The following KCNH7 variants were observed in gnomAD, a reference collection of about 807,000 sequenced individuals.
KCNH7 encodes potassium voltage-gated channel subfamily H member 7, also known as voltage-gated inwardly rectifying potassium channel KCNH7.
A neutral mutation model predicts 120.8 loss-of-function variants in KCNH7; 49 were observed. That is an observed-to-expected ratio of 0.41 (90% confidence interval 0.32 to 0.51). KCNH7 has a LOEUF of 0.51. Among genes scored for constraint, KCNH7 ranks in the 20% least tolerant of loss-of-function variants. The pLI, the probability that KCNH7 is intolerant of heterozygous loss-of-function variation, is 0.38. For missense variants in KCNH7, 1,097 were observed against 1,446.6 expected, an observed-to-expected ratio of 0.76 and a Z score of 3.92; for synonymous variants, 547 against 516.1, an observed-to-expected ratio of 1.06 and a Z score of -0.81.
At chr2:162,594,698 C>T (rs887762818) in intron 2 of KCNH7, among the ~76,000 whole-genome samples, 4 of 150,936 alleles carry the variant, frequency 2.7e-5, no homozygotes, top group Non-Finnish European at 5.9e-5. Context: ...CGTCCTTATT[C>T]CCTGAACAAT....
At position 162,667,306 on chromosome 2, in the gene KCNH7, C is replaced by G. The variant is rs531370785; in HGVS notation, c.308-130226G>C. Reference sequence around the variant, plus strand: ...GAAGTGATAGAATTACAGGCGTGAGCCACCATGCCCGGACTCCATCCATTC... The same window carrying G: ...GAAGTGATAGAATTACAGGCGTGAGGCACCATGCCCGGACTCCATCCATTC... On this transcript the variant is annotated intron_variant, in intron 2 of 15. Coordinates refer to ENST00000332142, the MANE Select transcript of KCNH7 (RefSeq NM_033272.4). 1.5e-4 allele frequency among the ~76,000 whole-genome samples: 23 copies of G among 152,252 alleles called. 1 individual carries two copies. In the South Asian group the frequency reaches 4.8e-3, roughly 32 times the overall value.
At chr2:162,493,789 G>A (rs960026265) in intron 6 of KCNH7, among the ~76,000 whole-genome samples, 2 of 152,124 alleles carry the variant, frequency 1.3e-5, no homozygotes, top group African/African-American at 2.4e-5. Flanking sequence ...TTTAGTAAAA[G>A]GTTATAAGAA....
chr2:162,635,418 A>G (rs950922722), intron 2 of KCNH7, among the ~76,000 whole-genome samples: 2 of 152,054 alleles, frequency 1.3e-5, no homozygotes, highest in African/African-American at 2.4e-5. Flanking sequence ...ACTGTTGCCT[A>G]TTTCAGAATG....
At chr2:162,545,986 G>C (rs938640170) in intron 2 of KCNH7, among the ~76,000 whole-genome samples, 11 of 152,002 alleles carry the variant, frequency 7.2e-5, no homozygotes, top group African/African-American at 2.7e-4. Context: ...TATAAATTTG[G>C]TTATTGAGAA....
At chr2:162,608,296 C>T (rs926898083) in intron 2 of KCNH7, among the ~76,000 whole-genome samples, 2 of 152,152 alleles carry the variant, frequency 1.3e-5, no homozygotes, top group Admixed American at 1.3e-4. Context: ...TAATTCAGTA[C>T]TTTTAACTCC....
chr2:162,405,681 C>G (rs772430844), intron 9 of KCNH7, among the ~76,000 whole-genome samples: 1 of 151,824 alleles, frequency 6.6e-6, no homozygotes, highest in Non-Finnish European at 1.5e-5. Flanking sequence ...TTAATATAAG[C>G]CTGAACTTCT....
In KCNH7 at chr2:162,838,677, A is replaced by C. The variant is rs1573952738; in HGVS notation, c.-159T>G. The C allele has an allele frequency of 3.9e-6, 2 of 510,960 alleles. No individual in the cohort carries two copies. The highest frequency in any genetic ancestry group is 6.9e-6 in the Non-Finnish European group (2 of 287,788). The allele number at this position is 510,960 out of a possible 1,614,324, so 31.7% of individuals were successfully genotyped here. A position where few individuals can be genotyped will look rare whatever the true frequency, so the allele number is the denominator to read the frequency against. On this transcript the variant is annotated 5_prime_UTR_variant, in exon 1 of 16. Coordinates refer to ENST00000332142, the MANE Select transcript of KCNH7 (RefSeq NM_033272.4). ...CTTCCCATTAGCACCACTTCTAGAC[A>C]CCCGCTTTCCCCACCGGAGTCCAAT... is the stretch of plus-strand genomic sequence containing the variant.
At chr2:162,651,281 G>A (rs1389192664) in intron 2 of KCNH7, among the ~76,000 whole-genome samples, 1 of 152,122 alleles carries the variant, frequency 6.6e-6, no homozygotes, top group Admixed American at 6.6e-5. Flanking sequence ...TTTGTGTCAT[G>A]GGGGTTTCTG....
intron 2 of KCNH7, among the ~76,000 whole-genome samples, chr2:162,661,248 A>G (rs1423510781): frequency 6.6e-6 from 1 of 152,162 alleles, no homozygotes; most frequent in Non-Finnish European, 1.5e-5. Flanking sequence ...GGAAAAATAA[A>G]ATCAATTTTT....
At chr2:162,768,724 T>C (rs1286514798) in intron 2 of KCNH7, among the ~76,000 whole-genome samples, 1 of 152,142 alleles carries the variant, frequency 6.6e-6, no homozygotes, top group African/African-American at 2.4e-5. Context: ...GAGCAAGTCT[T>C]CCAGCTCTTG....
chr2:162,372,900 C>A (rs1576313837), intron 15 of KCNH7, among the ~76,000 whole-genome samples: 3 of 152,122 alleles, frequency 2.0e-5, no homozygotes, highest in Non-Finnish European at 4.4e-5. Context: ...TAAATTGCTT[C>A]TCTTACCATG....
intron 2 of KCNH7, among the ~76,000 whole-genome samples, chr2:162,582,655 T>C (rs934648315): frequency 3.3e-5 from 5 of 152,070 alleles, no homozygotes; most frequent in African/African-American, 1.2e-4. Context: ...ACGATTGATT[T>C]GCAAACTTTG....
chr2:162,595,616 C>G (rs1454868597), intron 2 of KCNH7, among the ~76,000 whole-genome samples: 1 of 151,866 alleles, frequency 6.6e-6, no homozygotes, highest in Non-Finnish European at 1.5e-5. Context: ...TGACATCATA[C>G]TCAGTGGTGA....
chr2:162,466,255 A>G (rs920715031), intron 6 of KCNH7, among the ~76,000 whole-genome samples: 1 of 152,194 alleles, frequency 6.6e-6, no homozygotes, highest in Non-Finnish European at 1.5e-5. Flanking sequence ...GTACTGTATT[A>G]GTTCATTCTC....
intron 2 of KCNH7, among the ~76,000 whole-genome samples, chr2:162,739,843 C>T (rs1439607629): frequency 6.6e-6 from 1 of 152,178 alleles, no homozygotes; most frequent in Non-Finnish European, 1.5e-5. Context: ...AGAAAAGACA[C>T]ATCAATGAGA....
chr2:162,517,358 A>C (rs939027587), intron 4 of KCNH7, among the ~76,000 whole-genome samples: 2 of 151,820 alleles, frequency 1.3e-5, no homozygotes, highest in Non-Finnish European at 2.9e-5. Flanking sequence ...GATGGCACAA[A>C]TTCTTTCTTC....
At chr2:162,551,711 T>A (rs1692673924) in intron 2 of KCNH7, among the ~76,000 whole-genome samples, 1 of 152,086 alleles carries the variant, frequency 6.6e-6, no homozygotes, top group South Asian at 2.1e-4. Context: ...ATATTACAAA[T>A]AAATCACCTC....
At chr2:162,740,913 C>G (rs1247194582) in intron 2 of KCNH7, among the ~76,000 whole-genome samples, 1 of 152,066 alleles carries the variant, frequency 6.6e-6, no homozygotes, top group Non-Finnish European at 1.5e-5. Flanking sequence ...TTCGGACTTT[C>G]TGGGTTTGGT....
intron 6 of KCNH7, among the ~76,000 whole-genome samples, chr2:162,453,446 T>C (rs1300746262): frequency 2.0e-5 from 3 of 152,142 alleles, no homozygotes; most frequent in Admixed American, 6.6e-5. Context: ...GTCTTTATAG[T>C]AGAATGATTT....
Sources: gnomAD v4.1 joint callset for allele counts (sites outside exome capture counted in the v4.1 genomes callset) on GRCh38, gnomAD v4.1.1 for gene constraint, MANE v1.5 for transcripts, NCBI Gene and HGNC (gene_info 2026-07-23, HGNC 2026-07-21) for gene names.